Variants in ATP2B4 observed in about 807,000 individuals in gnomAD.
ATP2B4 encodes ATPase plasma membrane Ca2+ transporting 4, also known as plasma membrane calcium-transporting ATPase 4.
Under a neutral mutation model 110.3 loss-of-function variants are expected in ATP2B4, and 39 were observed. That is an observed-to-expected ratio of 0.35 (90% CI 0.27 to 0.46). ATP2B4 has a LOEUF of 0.46. Among genes scored for constraint, ATP2B4 ranks in the 20% least tolerant of loss-of-function variants. The pLI is 1.00. For missense variants in ATP2B4, 1,135 were observed against 1,530.9 expected, an observed-to-expected ratio of 0.74 and a Z score of 4.32; for synonymous variants, 538 against 571.7, an observed-to-expected ratio of 0.94 and a Z score of 0.84.
At chr1:203,646,974 C>T (rs766908662) in intron 1 of ATP2B4, among the ~76,000 whole-genome samples, 1 of 151,898 alleles carries the variant, frequency 6.6e-6, no homozygotes, top group Non-Finnish European at 1.5e-5. Flanking sequence ...ATTGGGAACA[C>T]GTTGCATAAT....
chr1:203,726,265 C>T (rs1666513734), intron 19 of ATP2B4, among the ~76,000 whole-genome samples: 1 of 151,890 alleles, frequency 6.6e-6, no homozygotes, highest in Non-Finnish European at 1.5e-5. Context: ...ATTGGGGTCT[C>T]ACTATGTTGC....
intron 1 of ATP2B4, among the ~76,000 whole-genome samples, chr1:203,637,737 G>C (rs182384281): frequency 6.6e-6 from 1 of 152,324 alleles, no homozygotes; most frequent in East Asian, 1.9e-4. Flanking sequence ...TAGCCTTCCT[G>C]GCAACTGGCC....
chr1:203,649,687 A>C (rs757253493), intron 1 of ATP2B4, among the ~76,000 whole-genome samples: 16 of 152,110 alleles, frequency 1.1e-4, no homozygotes, highest in Non-Finnish European at 1.8e-4. Flanking sequence ...CCAGCTACTC[A>C]AGAGGCTGAG....
chr1:203,681,495 G>A (rs1665008507), intron 1 of ATP2B4, among the ~76,000 whole-genome samples: 1 of 152,146 alleles, frequency 6.6e-6, no homozygotes, highest in Admixed American at 6.5e-5. Flanking sequence ...ACGTAACCGG[G>A]GCTGGGGTCC....
intron 1 of ATP2B4, among the ~76,000 whole-genome samples, chr1:203,671,614 C>A (rs1664664634): frequency 6.6e-6 from 1 of 152,208 alleles, no homozygotes; most frequent in African/African-American, 2.4e-5. Context: ...GGCCAAAAAC[C>A]TTTCCCACGT....
At chr1:203,707,756 TG>T in intron 9 of ATP2B4, 105 bp from the exon 10 acceptor site, 2 of 1,470,460 alleles carry the variant, frequency 1.4e-6, no homozygotes, top group Non-Finnish European at 1.9e-6. Flanking sequence ...TGTGTGGGAC[TG>T]GAAGATGAAA....
At chr1:203,722,896 G>A (rs1666379807) in intron 18 of ATP2B4, among the ~76,000 whole-genome samples, 1 of 152,180 alleles carries the variant, frequency 6.6e-6, no homozygotes, top group African/African-American at 2.4e-5. Context: ...TCCAGTGCAG[G>A]GCAGCATGTT....
chr1:203,637,435 C>CAA (rs57493948), intron 1 of ATP2B4, among the ~76,000 whole-genome samples: 1,066 of 88,710 alleles, frequency 0.012, 21 homozygotes, highest in African/African-American at 0.037. Context: ...GACTCTGTCT[C>CAA]AAAAAAAAAA....
chr1:203,678,604 G>A (rs758141366), intron 1 of ATP2B4, among the ~76,000 whole-genome samples: 4 of 152,074 alleles, frequency 2.6e-5, no homozygotes, highest in East Asian at 1.9e-4. Flanking sequence ...GGGTTTCACC[G>A]TGTTACCTAG....
chr1:203,727,502 C>T lies in ATP2B4; in HGVS notation c.3240C>T (p.Asp1080=). ...TKDAEGLDEI[D]HAEMELRRGQ... ...ATGCCGAGGGACTGGATGAGATTGA[C>T]CATGCTGAGATGGAGCTGCGCCGAG... Residue 1080 remains aspartate, a synonymous_variant, in exon 20 of 21, where the codon GAC becomes GAT. Transcript: ENST00000357681. The T allele has an allele frequency of 1.2e-6, 2 of 1,614,232 alleles. No individual in the cohort carries two copies. Among genetic ancestry groups the T allele is most frequent in the Admixed American group, 1.7e-5 (1 of 60,020 alleles).
At chr1:203,677,357 A>G (rs1330507808) in intron 1 of ATP2B4, among the ~76,000 whole-genome samples, 1 of 152,066 alleles carries the variant, frequency 6.6e-6, no homozygotes, top group Non-Finnish European at 1.5e-5. Flanking sequence ...CCAATCCCAC[A>G]TCCCTGTTCC....
At chr1:203,727,844 T>G (rs1460200120) in intron 20 of ATP2B4, 9 of 432,434 alleles carry the variant, frequency 2.1e-5, no homozygotes, top group East Asian at 9.1e-5. Flanking sequence ...CCTGCCACCC[T>G]CTATCAAATG....
chr1:203,728,150 G>A, intron 20 of ATP2B4: 1 of 463,386 alleles, frequency 2.2e-6, no homozygotes, highest in Non-Finnish European at 4.5e-6. Flanking sequence ...TGATGTCTGA[G>A]CATCTTTTGC....
At chr1:203,648,678 C>A (rs984110146) in intron 1 of ATP2B4, among the ~76,000 whole-genome samples, 2 of 152,210 alleles carry the variant, frequency 1.3e-5, no homozygotes, top group African/African-American at 4.8e-5. Context: ...CCACCTTTTG[C>A]CATGACTCTG....
intron 15 of ATP2B4, among the ~76,000 whole-genome samples, chr1:203,718,421 C>A (rs983757879): frequency 6.6e-6 from 1 of 152,138 alleles, no homozygotes; most frequent in Non-Finnish European, 1.5e-5. Flanking sequence ...GCTTCAGCGT[C>A]CTGAGTAGCT....
At chr1:203,644,434 G>C (rs931354305) in intron 1 of ATP2B4, among the ~76,000 whole-genome samples, 9 of 152,094 alleles carry the variant, frequency 5.9e-5, no homozygotes, top group Non-Finnish European at 1.5e-5. Flanking sequence ...TGACAGGCAG[G>C]GTGGTCTAGA....
intron 1 of ATP2B4, among the ~76,000 whole-genome samples, chr1:203,631,505 T>C (rs1247323984): frequency 6.6e-6 from 1 of 152,152 alleles, no homozygotes; most frequent in Non-Finnish European, 1.5e-5. Context: ...TCAAGGAAAG[T>C]CTTAGCTTAG....
intron 1 of ATP2B4, among the ~76,000 whole-genome samples, chr1:203,642,068 GTGTTTTGTTTT>G (rs1160034101): frequency 1.3e-5 from 2 of 152,140 alleles, no homozygotes; most frequent in Admixed American, 6.5e-5. Flanking sequence ...ACAGCCTACT[GTGTTTTGTTTT>G]TGTTTTGTTT....
chr1:203,647,597 A>G (rs1663842073), intron 1 of ATP2B4, among the ~76,000 whole-genome samples: 1 of 151,980 alleles, frequency 6.6e-6, no homozygotes, highest in Admixed American at 6.6e-5. Context: ...CATCTCTACA[A>G]AAAGTATGAA....
Sources: allele counts gnomAD v4.1 joint callset (sites outside exome capture counted in the v4.1 genomes callset), GRCh38; gene constraint gnomAD v4.1.1; transcripts MANE v1.5; gene names NCBI Gene and HGNC (gene_info 2026-07-23, HGNC 2026-07-21).